The following TMEM161B variants were observed in gnomAD, a reference collection of about 807,000 sequenced individuals.
TMEM161B encodes the protein transmembrane protein 161B.
A neutral mutation model predicts 61.8 loss-of-function variants in TMEM161B; 34 were observed. The ratio of observed to expected loss-of-function variants is 0.55; its 90% CI spans 0.42 to 0.73. The LOEUF is 0.73. Among genes scored for constraint, TMEM161B ranks in the 30% least tolerant of loss-of-function variants. TMEM161B has a pLI of 0.00. For missense variants in TMEM161B, 456 were observed against 558.5 expected (o/e 0.82, Z 1.85); for synonymous variants, 167 against 192.8 (o/e 0.87, Z 1.11).
intron 1 of TMEM161B, among the ~76,000 whole-genome samples, chr5:88,263,073 T>C (rs1482441812): frequency 6.6e-6 from 1 of 152,162 alleles, no homozygotes; most frequent in African/African-American, 2.4e-5. Context: ...TTAAAAACAG[T>C]ATGAGCTCTT....
chr5:88,197,379 A>G (rs1414815348), intron 11 of TMEM161B, among the ~76,000 whole-genome samples: 1 of 152,164 alleles, frequency 6.6e-6, no homozygotes, highest in Non-Finnish European at 1.5e-5. Context: ...TTATAACATG[A>G]AAGTAACTAA....
At chr5:88,262,878 TC>T (rs1364282035) in intron 1 of TMEM161B, among the ~76,000 whole-genome samples, 3 of 152,176 alleles carry the variant, frequency 2.0e-5, no homozygotes, top group Non-Finnish European at 2.9e-5. Flanking sequence ...TCTTAAGATT[TC>T]TGTGAACCTA....
downstream of TMEM161B, among the ~76,000 whole-genome samples, chr5:88,194,542 T>C (rs1749320362): frequency 6.6e-6 from 1 of 152,134 alleles, no homozygotes; most frequent in South Asian, 2.1e-4. Context: ...GTGGTAGTTC[T>C]ATTTTTAGTT....
intron 5 of TMEM161B, 132 bp from the exon 6 acceptor site, chr5:88,207,312 A>C (rs1362018964): frequency 1.3e-5 from 11 of 875,416 alleles, no homozygotes; most frequent in African/African-American, 1.7e-5. Context: ...AACACTTTTA[A>C]ATTAAGGAAA....
Position 88,202,436 on chromosome 5 carries a change from T to C in TMEM161B, c.914+526A>G, listed in dbSNP as rs1744595336. The C allele has an allele frequency of 1.9e-5, 3 of 156,132 alleles. No homozygotes were observed. In the South Asian group the frequency reaches 4.4e-4, roughly 23 times the overall value. The allele number at this position is 156,132 out of a possible 1,614,324, so 9.7% of individuals were successfully genotyped here. On this transcript the variant is annotated intron_variant, in intron 9 of 11. Transcript: ENST00000296595. ...GTTATTGTTATATAGGAAAATATCC[T>C]TATTTTTTTTAGAGGTGCAAACTAA... is the stretch of plus-strand genomic sequence containing the variant.
chr5:88,222,344 C>T (rs1338033527), intron 4 of TMEM161B, among the ~76,000 whole-genome samples: 2 of 152,146 alleles, frequency 1.3e-5, no homozygotes, highest in African/African-American at 4.8e-5. Context: ...GGTGGGATTA[C>T]AGACATGAGC....
intron 9 of TMEM161B, 86 bp downstream of exon 9, chr5:88,202,876 T>C (rs957139282): frequency 1.1e-6 from 1 of 914,602 alleles, no homozygotes; most frequent in Non-Finnish European, 1.8e-6. Flanking sequence ...GTGTCCTGAT[T>C]TTATCACTGA....
downstream of TMEM161B, among the ~76,000 whole-genome samples, chr5:88,192,006 A>G (rs1465720336): frequency 1.1e-5 from 1 of 93,524 alleles, no homozygotes; most frequent in East Asian, 2.8e-4. Flanking sequence ...ATATATATAT[A>G]TATATATATA....
At chr5:88,204,630 A>G (rs753197789) in intron 8 of TMEM161B, among the ~76,000 whole-genome samples, 5 of 152,186 alleles carry the variant, frequency 3.3e-5, no homozygotes, top group Admixed American at 6.6e-5. Flanking sequence ...CACTGGGGTT[A>G]GTGGACTGAA....
chr5:88,259,662 C>A (rs1755446465), intron 1 of TMEM161B, among the ~76,000 whole-genome samples: 1 of 152,176 alleles, frequency 6.6e-6, no homozygotes, highest in South Asian at 2.1e-4. Context: ...TTATGACTTA[C>A]TGCAGCAGTG....
intron 2 of TMEM161B, among the ~76,000 whole-genome samples, chr5:88,233,430 G>C (rs769891689): frequency 1.3e-5 from 2 of 152,124 alleles, no homozygotes; most frequent in Admixed American, 6.5e-5. Flanking sequence ...GGACATTACA[G>C]TAACTAAAAG....
chr5:88,249,538 T>C (rs1754058391), intron 1 of TMEM161B, among the ~76,000 whole-genome samples: 1 of 152,148 alleles, frequency 6.6e-6, no homozygotes, highest in African/African-American at 2.4e-5. Flanking sequence ...ACCCAAAAAC[T>C]TTTTTTAAAA....
intron 4 of TMEM161B, among the ~76,000 whole-genome samples, chr5:88,223,246 A>C (rs1749345654): frequency 6.6e-6 from 1 of 151,916 alleles, no homozygotes; most frequent in Non-Finnish European, 1.5e-5. Flanking sequence ...TTAAGAAAAA[A>C]AAAAAACTGG....
At chr5:88,256,694 T>A (rs985658598) in intron 1 of TMEM161B, among the ~76,000 whole-genome samples, 1 of 152,216 alleles carries the variant, frequency 6.6e-6, no homozygotes, top group Admixed American at 6.5e-5. Flanking sequence ...TCTCATTTCT[T>A]CAGCCTCCAT....
chr5:88,191,048 GT>G (rs1001702272), downstream of TMEM161B, among the ~76,000 whole-genome samples: 1 of 152,104 alleles, frequency 6.6e-6, no homozygotes, highest in South Asian at 2.1e-4. Flanking sequence ...TTCAATAATT[GT>G]TTTTTGTCCA....
intron 5 of TMEM161B, among the ~76,000 whole-genome samples, chr5:88,218,768 C>T (rs1047592848): frequency 1.3e-5 from 2 of 152,174 alleles, no homozygotes; most frequent in African/African-American, 4.8e-5. Flanking sequence ...AAGACAAAAA[C>T]ATAATTTTCG....
chr5:88,246,076 G>C (rs376363969), intron 1 of TMEM161B, among the ~76,000 whole-genome samples: 7 of 151,912 alleles, frequency 4.6e-5, no homozygotes, highest in African/African-American at 1.4e-4. Context: ...GTTAATGTTT[G>C]ACTAAAATAA....
At chr5:88,240,976 G>A in intron 1 of TMEM161B, 60 bp from the exon 2 acceptor site, 1 of 1,197,110 alleles carries the variant, frequency 8.4e-7, no homozygotes, top group Non-Finnish European at 1.2e-6. Context: ...GGACATTGCT[G>A]GAAAACTTTC....
intron 9 of TMEM161B, chr5:88,202,518 T>C (rs113270023): frequency 0.013 from 2,417 of 185,162 alleles, 60 homozygotes; most frequent in African/African-American, 0.055. Context: ...AAATCCTTCA[T>C]CAAAAAACAA....
Sources: allele counts gnomAD v4.1 joint callset (sites outside exome capture counted in the v4.1 genomes callset), GRCh38; gene constraint gnomAD v4.1.1; transcripts MANE v1.5; gene names NCBI Gene and HGNC (gene_info 2026-07-23, HGNC 2026-07-21).